Variants in NPLOC4 observed in about 807,000 individuals in gnomAD.
NPLOC4 encodes the protein nuclear protein localization protein 4 homolog.
A neutral mutation model predicts 80.6 loss-of-function variants in NPLOC4; 18 were observed. The ratio of observed to expected loss-of-function variants is 0.22; its 90% CI spans 0.15 to 0.33. The LOEUF (loss-of-function observed/expected upper bound fraction) is 0.33. Ranked by LOEUF, NPLOC4 falls within the 10% of genes least tolerant of loss-of-function variation. The pLI, the probability that NPLOC4 is intolerant of heterozygous loss-of-function variation, is 1.00. For synonymous variants in NPLOC4, 313 were observed against 301.5 expected, an observed-to-expected ratio of 1.04 and a Z score of -0.39; for missense variants, 540 against 786.1, an observed-to-expected ratio of 0.69 and a Z score of 3.74.
At chr17:81,597,817 C>A (rs1252113248) in intron 9 of NPLOC4, among the ~76,000 whole-genome samples, 2 of 149,418 alleles carry the variant, frequency 1.3e-5, no homozygotes, top group African/African-American at 4.9e-5. Flanking sequence ...TGGGCGTGGC[C>A]GGGTGTGGTG....
chr17:81,562,034 G>A (rs1263613128), intron 16 of NPLOC4: 1 of 152,228 alleles, frequency 6.6e-6, no homozygotes, highest in Admixed American at 6.5e-5. Flanking sequence ...AGGAGTTCCA[G>A]ACCAGCCTGA....
At chr17:81,587,537 G>T (rs867676535) in intron 12 of NPLOC4, among the ~76,000 whole-genome samples, 1 of 140,664 alleles carries the variant, frequency 7.1e-6, no homozygotes, top group African/African-American at 2.7e-5. Flanking sequence ...GGATGGTCTC[G>T]ATCTCCTGAC....
intron 11 of NPLOC4, among the ~76,000 whole-genome samples, chr17:81,594,150 C>A (rs1033613573): frequency 6.6e-6 from 1 of 151,612 alleles, no homozygotes; most frequent in Non-Finnish European, 1.5e-5. Context: ...TAGCGGGCAC[C>A]TGTAGTCCCA....
At chr17:81,612,270 G>A (rs773449577) in intron 4 of NPLOC4, among the ~76,000 whole-genome samples, 6 of 152,112 alleles carry the variant, frequency 3.9e-5, no homozygotes, top group East Asian at 1.9e-4. Context: ...TCTTACATGC[G>A]TATGAGCCCT....
chr17:81,567,270 G>A lies in NPLOC4; in HGVS notation c.1566+147C>T. 1 of 623,250 alleles carries A rather than the reference G, an allele frequency of 1.6e-6. No individual in the cohort carries two copies. Among genetic ancestry groups the A allele is most frequent in the South Asian group, 1.9e-5 (1 of 51,606 alleles). 38.6% of individuals were successfully genotyped at this position (623,250 alleles called of 1,614,324 possible). On this transcript the variant is annotated intron_variant, in intron 15 of 16. Transcript: ENST00000331134. The surrounding 1 kb of genome is among the most constrained non-coding windows in gnomAD (Gnocchi z 4.5). ...GCTGCTGCCTACACTCTGCCCATAGGACAAATGAGGGGGACAACCTGTGAC... is the reference window on the plus strand; with the variant it reads ...GCTGCTGCCTACACTCTGCCCATAGAACAAATGAGGGGGACAACCTGTGAC...
intron 12 of NPLOC4, among the ~76,000 whole-genome samples, chr17:81,575,609 C>A (rs1254298113): frequency 6.6e-6 from 1 of 152,186 alleles, no homozygotes; most frequent in Non-Finnish European, 1.5e-5. Flanking sequence ...AAGCAATCGG[C>A]AAGGACAGCT....
At chr17:81,590,957 A>T (rs1480298697) in intron 11 of NPLOC4, among the ~76,000 whole-genome samples, 2 of 152,224 alleles carry the variant, frequency 1.3e-5, no homozygotes, top group African/African-American at 4.8e-5. Flanking sequence ...TCAAATGCTC[A>T]GGAGGCAGCC....
At chr17:81,563,829 C>T in intron 16 of NPLOC4, 1 of 421,630 alleles carries the variant, frequency 2.4e-6, no homozygotes, top group South Asian at 1.7e-5. Flanking sequence ...CAGTTGAAGG[C>T]CATTATTCTA....
intron 1 of NPLOC4, among the ~76,000 whole-genome samples, chr17:81,633,302 G>GA (rs1223948902): frequency 1.3e-5 from 2 of 152,038 alleles, no homozygotes; most frequent in Non-Finnish European, 2.9e-5. Flanking sequence ...TCTTAAAAAG[G>GA]AAAGCTCTGT....
Position 81,595,978 on chromosome 17 carries a change from G to A in NPLOC4, c.1120+138C>T. The A allele has an allele frequency of 4.8e-6, 4 of 826,594 alleles. No individual in the cohort carries two copies. The South Asian group carries it at 7.8e-5, about 16-fold the overall frequency. The allele number at this position is 826,594 out of a possible 1,614,324, so 51.2% of individuals were successfully genotyped here. Reference sequence around the variant, plus strand: ...TTGTTCAGAATTTTTACCATAAAAAGAAAGGAGGAATTTATATCCCACAAG... The same window carrying A: ...TTGTTCAGAATTTTTACCATAAAAAAAAAGGAGGAATTTATATCCCACAAG... On this transcript the variant is annotated intron_variant, in intron 11 of 16. Coordinates refer to ENST00000331134, the MANE Select transcript of NPLOC4 (RefSeq NM_017921.4).
intron 12 of NPLOC4, among the ~76,000 whole-genome samples, chr17:81,584,892 C>A (rs968692134): frequency 1.4e-4 from 22 of 152,100 alleles, no homozygotes; most frequent in Non-Finnish European, 2.6e-4. Context: ...CGAGGCCCAG[C>A]ACGGTGGCTC....
intron 8 of NPLOC4, among the ~76,000 whole-genome samples, chr17:81,603,272 T>C (rs985860262): frequency 2.6e-5 from 4 of 152,132 alleles, no homozygotes; most frequent in Admixed American, 2.6e-4. Context: ...ACTTTGGAAA[T>C]GTGCACTTTT....
chr17:81,602,350 C>G (rs58976732), intron 8 of NPLOC4, among the ~76,000 whole-genome samples: 7,336 of 151,862 alleles, frequency 0.048, 302 homozygotes, highest in East Asian at 0.22. Flanking sequence ...AGTTTGAGAC[C>G]AGCGTGGGCC....
In NPLOC4 at chr17:81,572,873, A is replaced by G. The variant is rs1054520444; in HGVS notation, c.1282-785T>C. 6.6e-6 allele frequency among the ~76,000 whole-genome samples: 1 copy of G among 152,236 alleles called. No individual in the cohort carries two copies. Among genetic ancestry groups the G allele is most frequent in the Non-Finnish European group, 1.5e-5 (1 of 68,040 alleles). On this transcript the variant is annotated intron_variant, in intron 12 of 16. Coordinates refer to ENST00000331134, the MANE Select transcript of NPLOC4 (RefSeq NM_017921.4). This position sits in a 1 kb window ranked among gnomAD's most constrained non-coding sequence, Gnocchi z 4.5. ...CCAGAAACCGAGTACTTGGACATTA[A>G]TAAAATAAAGGCATGCACAAATGAG...
chr17:81,618,210 A>G (rs1352831593), intron 3 of NPLOC4, among the ~76,000 whole-genome samples: 2 of 150,560 alleles, frequency 1.3e-5, no homozygotes, highest in Non-Finnish European at 3.0e-5. Flanking sequence ...CTAGGAAGTG[A>G]GGAGCGCCTC....
intron 11 of NPLOC4, among the ~76,000 whole-genome samples, chr17:81,595,532 A>ATT (rs201591319): frequency 1.0e-3 from 119 of 117,708 alleles, no homozygotes; most frequent in Middle Eastern, 4.1e-3. Flanking sequence ...ATATATATAT[A>ATT]TATTTTTTTT....
At chr17:81,589,197 A>T in intron 11 of NPLOC4, 93 bp from the exon 12 acceptor site, 1 of 1,149,522 alleles carries the variant, frequency 8.7e-7, no homozygotes, top group South Asian at 1.6e-5. Context: ...AACAGAAAAA[A>T]CAAACCCTCA....
At position 81,565,426 on chromosome 17, in the gene NPLOC4, G is replaced by A. The variant is rs111493103; in HGVS notation, c.1669+79C>T. 19 of 1,217,346 alleles carry A rather than the reference G, an allele frequency of 1.6e-5. No individual in the cohort carries two copies. In the East Asian group the frequency reaches 1.8e-4, roughly 11 times the overall value. The allele number at this position is 1,217,346 out of a possible 1,614,324, so 75.4% of individuals were successfully genotyped here. On this transcript the variant is annotated intron_variant, in intron 16 of 16. Coordinates refer to ENST00000331134, the MANE Select transcript of NPLOC4 (RefSeq NM_017921.4). ...TGGGTGCGGAATCCAGGGCACCACC[G>A]GCAGTGGGGAGCTGTGCAGAGTGGG...
intron 9 of NPLOC4, among the ~76,000 whole-genome samples, chr17:81,597,686 G>A (rs2034951174): frequency 6.6e-6 from 1 of 151,948 alleles, no homozygotes; most frequent in Non-Finnish European, 1.5e-5. Flanking sequence ...AGGAGGCTGA[G>A]GCAGGAGAAT....
Sources: gnomAD v4.1 joint callset for allele counts (sites outside exome capture counted in the v4.1 genomes callset) on GRCh38, gnomAD v4.1.1 for gene constraint, Gnocchi (gnomAD v3.1) non-coding constraint, MANE v1.5 for transcripts, NCBI Gene and HGNC (gene_info 2026-07-23, HGNC 2026-07-21) for gene names.